Variants in UPP2 observed in about 807,000 individuals in gnomAD.
UPP2 encodes the protein uridine phosphorylase 2.
UPP2 carries 23 observed loss-of-function variants against 26.7 expected under a neutral mutation model. The observed-to-expected ratio is 0.86, with a 90% CI of 0.62 to 1.22. The LOEUF is 1.22. UPP2 is among the 50% of genes most tolerant of loss of function. The pLI is 0.00. For synonymous variants in UPP2, 127 were observed against 141.3 expected (o/e 0.90, Z 0.72); for missense variants, 387 against 396.7 (o/e 0.98, Z 0.21).
intron 1 of UPP2, among the ~76,000 whole-genome samples, chr2:158,104,440 T>C (rs1008186160): frequency 6.6e-6 from 1 of 152,212 alleles, no homozygotes. Context: ...ATTTTAAAAA[T>C]ACTTAAAATC....
upstream of UPP2, among the ~76,000 whole-genome samples, chr2:158,099,527 T>G (rs558020880): frequency 1.3e-5 from 2 of 152,174 alleles, no homozygotes; most frequent in East Asian, 3.9e-4. Flanking sequence ...GGGCAGTGTC[T>G]TCTGGGAAGG....
intron 3 of UPP2, among the ~76,000 whole-genome samples, chr2:158,068,802 A>ATTTT (rs70990633): frequency 5.3e-5 from 1 of 18,892 alleles, no homozygotes; most frequent in Non-Finnish European, 8.6e-5. Context: ...ATATATATAT[A>ATTTT]TTTTTTTTTT....
intron 3 of UPP2, among the ~76,000 whole-genome samples, chr2:158,079,298 T>A (rs530108512): frequency 1.4e-3 from 210 of 152,070 alleles, no homozygotes; most frequent in African/African-American, 4.2e-3. Context: ...TAATTTTTTT[T>A]AAAAAAAGGA....
intron 6 of UPP2, among the ~76,000 whole-genome samples, chr2:158,125,382 TA>T (rs1429052986): frequency 1.3e-5 from 2 of 152,000 alleles, no homozygotes; most frequent in Non-Finnish European, 2.9e-5. Context: ...AAATTATTGG[TA>T]AAAACGTGGG....
chr2:158,087,384 T>C (rs112964918), intron 3 of UPP2, among the ~76,000 whole-genome samples: 2,077 of 152,282 alleles, frequency 0.014, 42 homozygotes, highest in African/African-American at 0.047. Flanking sequence ...TGAGTCCTTA[T>C]GTGTTAGGTG....
chr2:158,012,173 T>C (rs983908627), intron 2 of UPP2, among the ~76,000 whole-genome samples: 10 of 151,352 alleles, frequency 6.6e-5, no homozygotes, highest in Admixed American at 4.6e-4. Flanking sequence ...GTTTGATTGC[T>C]AATCACTCTG....
intron 2 of UPP2, among the ~76,000 whole-genome samples, chr2:158,010,567 A>G (rs112774278): frequency 1.3e-5 from 2 of 152,298 alleles, no homozygotes; most frequent in Admixed American, 6.5e-5. Flanking sequence ...AGTAGGCTGA[A>G]TCAAATTAAG....
intron 4 of UPP2, among the ~76,000 whole-genome samples, chr2:158,119,393 T>G (rs1683512013): frequency 6.6e-6 from 1 of 152,042 alleles, no homozygotes; most frequent in South Asian, 2.1e-4. Context: ...TTATCCTCAT[T>G]AAGAACTCTT....
At chr2:158,081,292 G>T (rs1682722814) in intron 3 of UPP2, among the ~76,000 whole-genome samples, 1 of 152,148 alleles carries the variant, frequency 6.6e-6, no homozygotes, top group Non-Finnish European at 1.5e-5. Flanking sequence ...TTGTGCCCTG[G>T]ACCATATTTT....
intron 2 of UPP2, among the ~76,000 whole-genome samples, chr2:158,013,296 A>G (rs1669862368): frequency 6.6e-6 from 1 of 152,196 alleles, no homozygotes; most frequent in South Asian, 2.1e-4. Flanking sequence ...ACACCTGGCC[A>G]ATAATTCTTT....
chr2:158,115,427 G>A (rs1683408971), intron 3 of UPP2, among the ~76,000 whole-genome samples, 168 bp downstream of exon 3: 1 of 152,148 alleles, frequency 6.6e-6, no homozygotes, highest in African/African-American at 2.4e-5. Flanking sequence ...GCAGAACACA[G>A]CATGCAGCAT....
intron 3 of UPP2, among the ~76,000 whole-genome samples, chr2:158,035,467 T>C (rs1284985762): frequency 2.6e-5 from 4 of 152,236 alleles, no homozygotes; most frequent in African/African-American, 9.7e-5. Flanking sequence ...GATCAGAATA[T>C]TGAAGTGGGC....
intron 3 of UPP2, among the ~76,000 whole-genome samples, chr2:158,053,016 TCTC>T (rs1682184806): frequency 1.3e-5 from 2 of 151,928 alleles, no homozygotes; most frequent in Admixed American, 1.3e-4. Context: ...ACCTCACAAA[TCTC>T]CTCATTACAG....
chr2:158,050,140 T>C (rs775245386), intron 3 of UPP2, among the ~76,000 whole-genome samples: 18 of 152,230 alleles, frequency 1.2e-4, no homozygotes, highest in Non-Finnish European at 1.9e-4. Flanking sequence ...GATACAGAAA[T>C]TTAGCAGAGT....
intron 3 of UPP2, among the ~76,000 whole-genome samples, chr2:158,085,393 G>A (rs935155093): frequency 2.0e-5 from 3 of 152,052 alleles, no homozygotes; most frequent in Non-Finnish European, 4.4e-5. Flanking sequence ...GTTCTAGGAA[G>A]CTTTTTGGAG....
chr2:158,134,842 G>A lies in UPP2; in HGVS notation c.906G>A (p.Gln302=). 2 of 1,613,774 alleles carry A rather than the reference G, an allele frequency of 1.2e-6. No individual in the cohort carries two copies. The highest frequency in any genetic ancestry group is 1.7e-6 in the Non-Finnish European group (2 of 1,179,794). The change falls in exon 7 of 7, where the codon CAG becomes CAA. Residue 302 remains glutamine, a synonymous_variant. Coordinates refer to ENST00000005756, the MANE Select transcript of UPP2 (RefSeq NM_173355.4). Reference sequence around the variant, plus strand: ...TGGTGGAGTACCAGCAACGGCCTCAGCTCCTAATCTCCAACTTCATCAGAC... The same window carrying A: ...TGGTGGAGTACCAGCAACGGCCTCAACTCCTAATCTCCAACTTCATCAGAC... ...DVLVEYQQRP[Q]LLISNFIRRR...
intron 2 of UPP2, among the ~76,000 whole-genome samples, chr2:158,007,030 A>C (rs552311784): frequency 1.3e-5 from 2 of 152,082 alleles, no homozygotes; most frequent in Admixed American, 1.3e-4. Flanking sequence ...CCTGACTTTG[A>C]CTCTGTGAGG....
chr2:158,057,188 T>C (rs1682259392), intron 3 of UPP2, among the ~76,000 whole-genome samples: 2 of 152,184 alleles, frequency 1.3e-5, no homozygotes, highest in Non-Finnish European at 2.9e-5. Flanking sequence ...CTGGCCGAGG[T>C]AGTGTTTTGT....
At chr2:158,080,689 T>C (rs1458029533) in intron 3 of UPP2, among the ~76,000 whole-genome samples, 1 of 152,212 alleles carries the variant, frequency 6.6e-6, no homozygotes, top group Non-Finnish European at 1.5e-5. Flanking sequence ...GGAAATATTT[T>C]TTCTACCTTG....
Sources: allele counts gnomAD v4.1 joint callset (sites outside exome capture counted in the v4.1 genomes callset), GRCh38; gene constraint gnomAD v4.1.1; transcripts MANE v1.5; gene names NCBI Gene and HGNC (gene_info 2026-07-23, HGNC 2026-07-21).